Variants in MEIS1 observed in about 807,000 individuals in gnomAD.
The protein encoded by MEIS1 is Meis homeobox 1, also known as homeobox protein Meis1.
In MEIS1, 5 loss-of-function variants were observed where a neutral mutation model predicts 50.8. The observed-to-expected ratio is 0.10, with a 90% confidence interval of 0.05 to 0.21. MEIS1 has a LOEUF of 0.21. Among genes scored for constraint, MEIS1 ranks in the 10% least tolerant of loss-of-function variants. The pLI, the probability that MEIS1 is intolerant of heterozygous loss-of-function variation, is 1.00. For synonymous variants in MEIS1, 176 were observed against 179.3 expected (o/e 0.98, Z 0.15); for missense variants, 318 against 517.3 (o/e 0.61, Z 3.74).
rs1351676990 is a variant in MEIS1, at chr2:66,439,996, A to T, written c.381+12A>T. 4 of 1,600,604 alleles carry T rather than the reference A, an allele frequency of 2.5e-6. No individual in the cohort carries two copies. In the African/African-American group the frequency reaches 5.4e-5, roughly 22 times the overall value. On this transcript the variant is annotated intron_variant, in intron 3 of 12. Coordinates refer to ENST00000272369, the MANE Select transcript of MEIS1 (RefSeq NM_002398.3). ...TGTTCGCCAAACAGGTCAGCAAAAT[A>T]GATGTTAAAAAGTAAAAGAAACAAA...
At chr2:66,531,457 C>T (rs191912903) in intron 8 of MEIS1, among the ~76,000 whole-genome samples, 1 of 152,140 alleles carries the variant, frequency 6.6e-6, no homozygotes, top group South Asian at 2.1e-4. Flanking sequence ...ATAAAGGGCT[C>T]AGTAGTCCTT....
Position 66,572,628 on chromosome 2 carries a change from T to A in MEIS1, c.*1420T>A, listed in dbSNP as rs1441144219. On this transcript the variant is annotated 3_prime_UTR_variant, in exon 13 of 13. Coordinates refer to ENST00000272369, the MANE Select transcript of MEIS1 (RefSeq NM_002398.3). ...CCAAGGAGCTAATTATTAATAACAA[T>A]CATTGCACACTGAGTCTTAGCGTTT... 1.3e-5 allele frequency: 2 copies of A among 152,196 alleles called. No individual in the cohort carries two copies. The highest frequency in any genetic ancestry group is 2.9e-5 in the Non-Finnish European group (2 of 68,042). 9.4% of individuals were successfully genotyped at this position (152,196 alleles called of 1,614,324 possible).
At chr2:66,526,479 T>C (rs560085232) in intron 8 of MEIS1, among the ~76,000 whole-genome samples, 1 of 152,306 alleles carries the variant, frequency 6.6e-6, no homozygotes, top group African/African-American at 2.4e-5. Flanking sequence ...GCAGCGACTC[T>C]TGGAATCACT....
chr2:66,466,752 A>G (rs908643303), intron 7 of MEIS1, among the ~76,000 whole-genome samples: 4 of 152,224 alleles, frequency 2.6e-5, no homozygotes, highest in Non-Finnish European at 5.9e-5. Flanking sequence ...ATAAATCCAT[A>G]AATATGTCTT....
At position 66,437,799 on chromosome 2, in the gene MEIS1, G is replaced by A. The variant is rs1671838976; in HGVS notation, c.75G>A (p.Gly25=). 7.4e-6 allele frequency: 12 copies of A among 1,613,928 alleles called. No homozygotes were observed. Among genetic ancestry groups the A allele is most frequent in the Non-Finnish European group, 9.3e-6 (11 of 1,179,896 alleles). The change falls in exon 2 of 13, where the codon GGG becomes GGA. Residue 25 remains glycine (G), a synonymous_variant. Transcript: ENST00000272369. Reference sequence around the variant, plus strand: ...TAGGCATCCCCTCCACGATGTATGGGGACCCGCATGCAGCCAGGTCCATGC... The same window carrying A: ...TAGGCATCCCCTCCACGATGTATGGAGACCCGCATGCAGCCAGGTCCATGC... The part of the protein sequence containing the change: ...DGVGIPSTMY[G]DPHAARSMQP...
intron 7 of MEIS1, among the ~76,000 whole-genome samples, chr2:66,468,164 A>G (rs1017332121): frequency 2.0e-5 from 3 of 152,150 alleles, no homozygotes; most frequent in African/African-American, 7.2e-5. Flanking sequence ...CGGGAGGTAC[A>G]TGATGGCAGA....
At chr2:66,436,338 ACATT>A in intron 1 of MEIS1, among the ~76,000 whole-genome samples, 1 of 152,328 alleles carries the variant, frequency 6.6e-6, no homozygotes, top group African/African-American at 2.4e-5. Flanking sequence ...TGGTCAGAAA[ACATT>A]CATCTTTTTA....
intron 6 of MEIS1, among the ~76,000 whole-genome samples, chr2:66,444,086 G>A (rs1164538946): frequency 6.6e-6 from 1 of 152,130 alleles, no homozygotes; most frequent in Non-Finnish European, 1.5e-5. Context: ...TAGAGTGAGT[G>A]AGATGAAACA....
intron 4 of MEIS1, chr2:66,441,057 GC>G (rs1671967943): frequency 3.0e-6 from 1 of 334,384 alleles, no homozygotes; most frequent in African/African-American, 2.1e-5. Context: ...CAGTTTGAGG[GC>G]CATTTGGAAT....
At chr2:66,444,821 G>T (rs758726021) in intron 6 of MEIS1, among the ~76,000 whole-genome samples, 1 of 152,234 alleles carries the variant, frequency 6.6e-6, no homozygotes, top group Non-Finnish European at 1.5e-5. Flanking sequence ...GCTCCGGAGT[G>T]CTGGGTACAT....
At chr2:66,455,365 A>C (rs1262017143) in intron 6 of MEIS1, among the ~76,000 whole-genome samples, 1 of 152,220 alleles carries the variant, frequency 6.6e-6, no homozygotes, top group Non-Finnish European at 1.5e-5. Flanking sequence ...AGACCACAGT[A>C]GGGTCACCAT....
At chr2:66,465,198 A>T (rs1482710337) in intron 7 of MEIS1, among the ~76,000 whole-genome samples, 1 of 152,216 alleles carries the variant, frequency 6.6e-6, no homozygotes, top group African/African-American at 2.4e-5. Flanking sequence ...TAATTTGAAA[A>T]CAAAAACAGG....
intron 10 of MEIS1, 139 bp from the exon 11 acceptor site, chr2:66,568,528 A>T: frequency 2.9e-6 from 1 of 343,706 alleles, no homozygotes; most frequent in Non-Finnish European, 5.0e-6. Context: ...GAGAAATTTC[A>T]CTTTGAATGT....
chr2:66,451,613 G>T (rs1439952117), intron 6 of MEIS1, among the ~76,000 whole-genome samples: 1 of 151,996 alleles, frequency 6.6e-6, no homozygotes, highest in Non-Finnish European at 1.5e-5. Flanking sequence ...AACTTAATTT[G>T]ATAGACAAGA....
At chr2:66,438,832 G>GA (rs563066416) in intron 2 of MEIS1, among the ~76,000 whole-genome samples, 207 of 150,450 alleles carry the variant, frequency 1.4e-3, no homozygotes, top group Middle Eastern at 3.4e-3. Flanking sequence ...TCCCTCGCTG[G>GA]AAAAAAAAAT....
chr2:66,481,697 CTT>C (rs1673019588), intron 7 of MEIS1, among the ~76,000 whole-genome samples: 1 of 152,092 alleles, frequency 6.6e-6, no homozygotes, highest in Non-Finnish European at 1.5e-5. Context: ...TTGGATGTAA[CTT>C]TTCCAACTCT....
At chr2:66,528,839 G>A (rs1339193667) in intron 8 of MEIS1, among the ~76,000 whole-genome samples, 6 of 152,018 alleles carry the variant, frequency 3.9e-5, no homozygotes, top group Admixed American at 6.5e-5. Context: ...ACAAACATCC[G>A]TGGTGTGCCA....
chr2:66,435,970 A>G (rs1671787641), intron 1 of MEIS1, 102 bp downstream of exon 1: 1 of 1,055,570 alleles, frequency 9.5e-7, no homozygotes, highest in South Asian at 1.8e-5. Context: ...TCTCTCTTTT[A>G]AAAAATGAGG....
intron 6 of MEIS1, among the ~76,000 whole-genome samples, chr2:66,450,493 T>A (rs757246395): frequency 2.6e-5 from 4 of 152,122 alleles, no homozygotes; most frequent in Non-Finnish European, 5.9e-5. Context: ...AAAAATAAAA[T>A]GCCTGTTATT....
Sources: allele counts gnomAD v4.1 joint callset (sites outside exome capture counted in the v4.1 genomes callset), GRCh38; gene constraint gnomAD v4.1.1; transcripts MANE v1.5; gene names NCBI Gene and HGNC (gene_info 2026-07-23, HGNC 2026-07-21).